The following SGCZ variants were observed in gnomAD, a reference collection of about 807,000 sequenced individuals.
The protein encoded by SGCZ is zeta-sarcoglycan.
SGCZ carries 40 observed loss-of-function variants against 41.3 expected under a neutral mutation model. The ratio of observed to expected loss-of-function variants is 0.97; its 90% CI spans 0.75 to 1.26. The LOEUF (loss-of-function observed/expected upper bound fraction) is 1.26, where lower values mean the gene tolerates loss of function less well. SGCZ is among the 50% of genes most tolerant of loss of function. The probability of loss-of-function intolerance (pLI) is 0.00; values close to 1 mark genes in which losing one functional copy is unlikely to be tolerated. For missense variants in SGCZ, 552 were observed against 369.8 expected, an observed-to-expected ratio of 1.49 and a Z score of -4.04; for synonymous variants, 206 against 137.5, an observed-to-expected ratio of 1.50 and a Z score of -3.49.
chr8:14,586,434 G>C (rs1585102183), intron 1 of SGCZ, among the ~76,000 whole-genome samples: 1 of 152,102 alleles, frequency 6.6e-6, no homozygotes, highest in Admixed American at 6.6e-5. Context: ...GGCTGGTCTT[G>C]ACTCTTGGGC....
intron 1 of SGCZ, among the ~76,000 whole-genome samples, chr8:14,808,004 G>T (rs1450142722): frequency 6.6e-6 from 1 of 151,554 alleles, no homozygotes; most frequent in East Asian, 1.9e-4. Context: ...TTAATAAATG[G>T]TGCTGGGAAA....
At chr8:15,087,917 G>A (rs1806007891) in intron 1 of SGCZ, among the ~76,000 whole-genome samples, 1 of 151,816 alleles carries the variant, frequency 6.6e-6, no homozygotes, top group Non-Finnish European at 1.5e-5. Flanking sequence ...ATTAACGTGA[G>A]GCTTTATTTT....
At chr8:15,231,535 A>T (rs1351238024) in intron 1 of SGCZ, among the ~76,000 whole-genome samples, 1 of 151,640 alleles carries the variant, frequency 6.6e-6, no homozygotes, top group Non-Finnish European at 1.5e-5. Flanking sequence ...ATATAGATAA[A>T]CCCATGTTTC....
At position 14,090,188 on chromosome 8, in the gene SGCZ, C is replaced by T; in HGVS notation, c.*255G>A. The stretch of plus-strand genomic sequence containing the variant: ...GTAGCAAAGGCACCTATGTTATTCT[C>T]CCTTTCGAGCAAAAGTCATGATCCA... On this transcript the variant is annotated 3_prime_UTR_variant, in exon 8 of 8. Transcript: ENST00000382080. 3.1e-6 allele frequency: 1 copy of T among 327,858 alleles called. No individual in the cohort carries two copies. The highest frequency in any genetic ancestry group is 5.5e-6 in the Non-Finnish European group (1 of 180,504). The allele number at this position is 327,858 out of a possible 1,614,324, so 20.3% of individuals were successfully genotyped here.
intron 1 of SGCZ, among the ~76,000 whole-genome samples, chr8:15,120,830 T>C (rs1021307079): frequency 6.6e-6 from 1 of 152,212 alleles, no homozygotes; most frequent in Non-Finnish European, 1.5e-5. Context: ...CTGTCCTATT[T>C]GCATATGAAT....
chr8:14,090,171 G>T lies in SGCZ; in HGVS notation c.*272C>A, dbSNP rs182871046. Reference sequence around the variant, plus strand: ...TGTGTGCTTCACTTCGCGTAGCAAAGGCACCTATGTTATTCTCCCTTTCGA... The same window carrying T: ...TGTGTGCTTCACTTCGCGTAGCAAATGCACCTATGTTATTCTCCCTTTCGA... On this transcript the variant is annotated 3_prime_UTR_variant, in exon 8 of 8. Transcript: ENST00000382080. 3.5e-6 allele frequency: 1 copy of T among 289,710 alleles called. No individual in the cohort carries two copies. Among genetic ancestry groups the T allele is most frequent in the African/African-American group, 2.2e-5 (1 of 46,360 alleles). The allele number at this position is 289,710 out of a possible 1,614,324, so 17.9% of individuals were successfully genotyped here. A position where few individuals can be genotyped will look rare whatever the true frequency, so the allele number is the denominator to read the frequency against.
At chr8:15,140,604 T>C (rs1404540868) in intron 1 of SGCZ, among the ~76,000 whole-genome samples, 5 of 152,204 alleles carry the variant, frequency 3.3e-5, no homozygotes, top group African/African-American at 1.2e-4. Context: ...ACCCATATTA[T>C]TTACTTTTAA....
At chr8:14,959,624 A>C (rs954909683) in intron 1 of SGCZ, among the ~76,000 whole-genome samples, 8 of 152,146 alleles carry the variant, frequency 5.3e-5, no homozygotes, top group African/African-American at 1.9e-4. Context: ...AGCAGAAAGC[A>C]CTGTCATTGA....
chr8:14,674,742 C>T (rs975063936), intron 1 of SGCZ, among the ~76,000 whole-genome samples: 10 of 151,632 alleles, frequency 6.6e-5, no homozygotes, highest in African/African-American at 2.4e-4. Flanking sequence ...AGTGAGTTCT[C>T]AAGAGATCTG....
chr8:14,826,201 G>A (rs184127843), intron 1 of SGCZ, among the ~76,000 whole-genome samples: 37 of 150,120 alleles, frequency 2.5e-4, no homozygotes, highest in Admixed American at 8.0e-4. Context: ...TTTTGTCCTT[G>A]CGATAGTTTG....
chr8:14,950,700 A>C (rs1292895339), intron 1 of SGCZ, among the ~76,000 whole-genome samples: 1 of 152,066 alleles, frequency 6.6e-6, no homozygotes, highest in South Asian at 2.1e-4. Context: ...AGATTTGAGA[A>C]ATGTGAATGT....
chr8:14,392,630 T>C (rs1244080350), intron 2 of SGCZ, among the ~76,000 whole-genome samples: 4 of 152,138 alleles, frequency 2.6e-5, no homozygotes, highest in African/African-American at 7.2e-5. Flanking sequence ...TTTTATAACA[T>C]AGGCAGATAA....
chr8:14,981,936 G>C (rs1176328502), intron 1 of SGCZ, among the ~76,000 whole-genome samples: 4 of 152,118 alleles, frequency 2.6e-5, no homozygotes, highest in Non-Finnish European at 5.9e-5. Flanking sequence ...GATCATTGGA[G>C]GTCAGGAGTT....
At chr8:14,212,236 C>A (rs1333457158) in intron 4 of SGCZ, among the ~76,000 whole-genome samples, 3 of 151,940 alleles carry the variant, frequency 2.0e-5, no homozygotes, top group African/African-American at 7.3e-5. Flanking sequence ...GCTGGATGTA[C>A]CAGCAGAGAT....
At chr8:14,803,136 T>C (rs1261258075) in intron 1 of SGCZ, among the ~76,000 whole-genome samples, 2 of 152,198 alleles carry the variant, frequency 1.3e-5, no homozygotes, top group African/African-American at 2.4e-5. Context: ...AGGGGACTTG[T>C]ATAACAAATA....
At chr8:14,662,375 A>G (rs1807782093) in intron 1 of SGCZ, among the ~76,000 whole-genome samples, 2 of 152,226 alleles carry the variant, frequency 1.3e-5, no homozygotes, top group African/African-American at 2.4e-5. Context: ...GGGCAATATT[A>G]TGTTTTCCAC....
chr8:15,128,910 G>A (rs1182284216), intron 1 of SGCZ, among the ~76,000 whole-genome samples: 1 of 152,118 alleles, frequency 6.6e-6, no homozygotes, highest in Non-Finnish European at 1.5e-5. Flanking sequence ...CTTCTCTGCT[G>A]TCTGATCATA....
intron 1 of SGCZ, among the ~76,000 whole-genome samples, chr8:14,822,533 C>T (rs1760418727): frequency 6.6e-6 from 1 of 152,060 alleles, no homozygotes; most frequent in Non-Finnish European, 1.5e-5. Context: ...TAATCCTGAG[C>T]AAAGATAACA....
chr8:14,228,356 A>G (rs1806446551), intron 4 of SGCZ, among the ~76,000 whole-genome samples: 1 of 152,102 alleles, frequency 6.6e-6, no homozygotes, highest in Non-Finnish European at 1.5e-5. Context: ...AATATCTAAA[A>G]GAGAAAATTT....
Sources: gnomAD v4.1 joint callset for allele counts (sites outside exome capture counted in the v4.1 genomes callset) on GRCh38, gnomAD v4.1.1 for gene constraint, MANE v1.5 for transcripts, NCBI Gene and HGNC (gene_info 2026-07-23, HGNC 2026-07-21) for gene names.